TRAPPC10: variants seen among roughly 807,000 people sequenced by gnomAD.
TRAPPC10 encodes the protein TRAPP 130 kDa subunit.
TRAPPC10 carries 23 observed loss-of-function variants against 125.5 expected under a neutral mutation model. The observed-to-expected ratio is 0.18, with a 90% CI of 0.13 to 0.26. The LOEUF (loss-of-function observed/expected upper bound fraction) is 0.26. Ranked by LOEUF, TRAPPC10 falls within the 10% of genes least tolerant of loss-of-function variation. The pLI, the probability that TRAPPC10 is intolerant of heterozygous loss-of-function variation, is 1.00. For synonymous variants in TRAPPC10, 509 were observed against 518.0 expected, an observed-to-expected ratio of 0.98 and a Z score of 0.24; for missense variants, 1,123 against 1,308.4, an observed-to-expected ratio of 0.86 and a Z score of 2.19.
At chr21:44,075,707 A>G (rs1021103946) in intron 9 of TRAPPC10, among the ~76,000 whole-genome samples, 2 of 152,172 alleles carry the variant, frequency 1.3e-5, no homozygotes, top group Admixed American at 1.3e-4. Flanking sequence ...GCTGGTCTCA[A>G]ACTCCTGGCC....
intron 19 of TRAPPC10, 141 bp downstream of exon 19, chr21:44,092,190 G>C (rs973812608): frequency 1.9e-6 from 2 of 1,074,388 alleles, no homozygotes; most frequent in Admixed American, 5.5e-5. Context: ...CAGCTCCTCC[G>C]GCTGCCCTGA....
At chr21:44,066,595 A>G (rs564762266) in intron 7 of TRAPPC10, among the ~76,000 whole-genome samples, 2 of 152,230 alleles carry the variant, frequency 1.3e-5, no homozygotes, top group Non-Finnish European at 2.9e-5. Context: ...TTGGAAAATA[A>G]CAGACAAATA....
chr21:44,046,500 C>CT (rs1166944263), intron 3 of TRAPPC10: 7 of 215,928 alleles, frequency 3.2e-5, no homozygotes, highest in Non-Finnish European at 6.9e-5. Flanking sequence ...CACGCTTTAC[C>CT]TTTAAGTTTT....
At chr21:44,026,569 A>G (rs1157040657) in intron 1 of TRAPPC10, among the ~76,000 whole-genome samples, 1 of 152,250 alleles carries the variant, frequency 6.6e-6, no homozygotes, top group Non-Finnish European at 1.5e-5. Context: ...GTTTTCAAAC[A>G]TGAACTGCCT....
In TRAPPC10 at chr21:44,059,191, A is replaced by T; in HGVS notation, c.767A>T (p.Tyr256Phe). 6.2e-7 allele frequency: 1 copy of T among 1,610,354 alleles called. No homozygotes were observed. The highest frequency in any genetic ancestry group is 1.1e-5 in the South Asian group (1 of 90,326). Residue 256 changes from tyrosine to phenylalanine, a missense_variant, in exon 6 of 23, where the codon TAT (tyrosine) becomes TTT (phenylalanine). Physicochemically the swap from Tyr to Phe is conservative, Grantham distance 22. Transcript: ENST00000291574. The surrounding 1 kb of genome is among the most constrained non-coding windows in gnomAD (Gnocchi z 4.4). The part of the protein sequence containing the change: ...YDELDALFSQ[Y>F]VVNFGAGDGA... Reference sequence around the variant, plus strand: ...GAACTGGACGCCCTCTTCTCTCAGTATGTGGTCAACTTCGGGGCCGGGGGT... The same window carrying T: ...GAACTGGACGCCCTCTTCTCTCAGTTTGTGGTCAACTTCGGGGCCGGGGGT...
intron 4 of TRAPPC10, 111 bp downstream of exon 4, chr21:44,052,587 T>C: frequency 3.8e-6 from 4 of 1,051,172 alleles, no homozygotes; most frequent in Non-Finnish European, 5.4e-6. Flanking sequence ...TGAGTGTCCA[T>C]GGGGTGCTGT....
Position 44,080,053 on chromosome 21 carries a change from A to G in TRAPPC10, c.1649A>G (p.His550Arg), listed in dbSNP as rs749767421. ...QTSSLLASDH[H>R]LTEEERKHFC... Reference sequence around the variant, plus strand: ...AGCAGCCTCTTAGCCAGTGACCACCACCTCACTGAAGAGGAGCGCAAGCAC... The same window carrying G: ...AGCAGCCTCTTAGCCAGTGACCACCGCCTCACTGAAGAGGAGCGCAAGCAC... The change falls in exon 13 of 23, where the codon CAC becomes CGC. Residue 550 changes from histidine (H) to arginine (R), a missense_variant. This residue lies in a region of TRAPPC10 where 840 missense variants were observed against 902.0 expected (regional missense o/e 0.93). Coordinates refer to ENST00000291574, the MANE Select transcript of TRAPPC10 (RefSeq NM_003274.5). The G allele has an allele frequency of 9.3e-6, 15 of 1,613,932 alleles. No individual in the cohort carries two copies. Among genetic ancestry groups the G allele is most frequent in the Non-Finnish European group, 1.2e-5 (14 of 1,180,022 alleles).
chr21:44,016,940 C>T (rs1365464815), intron 1 of TRAPPC10, among the ~76,000 whole-genome samples: 3 of 152,212 alleles, frequency 2.0e-5, no homozygotes, highest in East Asian at 3.8e-4. Flanking sequence ...TAGGCATGAG[C>T]CACCGCGCCC....
chr21:44,038,057 T>C (rs942918935), intron 3 of TRAPPC10, 130 bp downstream of exon 3: 4 of 1,314,094 alleles, frequency 3.0e-6, no homozygotes, highest in East Asian at 2.3e-5. Flanking sequence ...GAGAGTGCTG[T>C]GTGAGTACCA....
chr21:44,085,325 T>C (rs889295594), intron 15 of TRAPPC10, among the ~76,000 whole-genome samples: 32 of 152,100 alleles, frequency 2.1e-4, no homozygotes, highest in African/African-American at 7.7e-4. Context: ...AGTGTCACAT[T>C]AGGCCAAGAA....
intron 18 of TRAPPC10, 186 bp from the exon 19 acceptor site, chr21:44,091,737 C>T (rs576107285): frequency 3.6e-6 from 2 of 556,454 alleles, no homozygotes; most frequent in South Asian, 4.1e-5. Context: ...CGTGCCCGGC[C>T]AAAAAGGTTT....
At position 44,019,880 on chromosome 21, in the gene TRAPPC10, T is replaced by C. The variant is rs79169828; in HGVS notation, c.67+7320T>C. 4.9e-3 allele frequency among the ~76,000 whole-genome samples: 749 copies of C among 152,340 alleles called. 4 individuals are homozygous for C. The highest frequency in any genetic ancestry group is 9.3e-3 in the Non-Finnish European group (630 of 68,026). On this transcript the variant is annotated intron_variant, in intron 1 of 22. Transcript: ENST00000291574. ...TGGAGGTTTGTCCTTCGTGTACTCC[T>C]GACCGAGGGAATGTTATCTTGACAT...
chr21:44,078,706 C>A (rs2037456966), intron 11 of TRAPPC10, among the ~76,000 whole-genome samples: 1 of 152,170 alleles, frequency 6.6e-6, no homozygotes, highest in South Asian at 2.1e-4. Context: ...GAAGGTGCTC[C>A]TTAAGGAAGC....
rs974802095 is a variant in TRAPPC10, at chr21:44,059,697, TAC to T, written c.790+487_790+488del. ...TTAAAGAATTAGCACAGTGAAACCA[TAC>T]ACAGAGAGAAACATTGGTTATTGTC... is the stretch of plus-strand genomic sequence containing the variant. On this transcript the variant is annotated intron_variant, in intron 6 of 22. Coordinates refer to ENST00000291574, the MANE Select transcript of TRAPPC10 (RefSeq NM_003274.5). This position sits in a 1 kb window ranked among gnomAD's most constrained non-coding sequence, Gnocchi z 4.4. 246 of 517,184 alleles carry T rather than the reference TAC, an allele frequency of 4.8e-4. 3 individuals are homozygous for T. In the Middle Eastern group the frequency reaches 7.9e-3, roughly 17 times the overall value. The allele number at this position is 517,184 out of a possible 1,614,324, so 32.0% of individuals were successfully genotyped here.
rs1298345137 is a variant in TRAPPC10, at chr21:44,059,543, G to A, written c.790+329G>A. On this transcript the variant is annotated intron_variant, in intron 6 of 22. Transcript: ENST00000291574. The surrounding 1 kb of genome is among the most constrained non-coding windows in gnomAD (Gnocchi z 4.4). ...GTCCCTCGTTAGAATCAGAGTGGAC[G>A]TCCCTTTGCCTTCCATCCAGGGGTT... 4.1e-6 allele frequency: 3 copies of A among 731,416 alleles called. No homozygotes were observed. Among genetic ancestry groups the A allele is most frequent in the Admixed American group, 1.9e-5 (1 of 51,762 alleles). 45.3% of individuals were successfully genotyped at this position (731,416 alleles called of 1,614,324 possible).
chr21:44,082,812 A>G lies in TRAPPC10; in HGVS notation c.1748A>G (p.His583Arg). 1 of 1,614,012 alleles carries G rather than the reference A, an allele frequency of 6.2e-7. No homozygotes were observed. Among genetic ancestry groups the G allele is most frequent in the Non-Finnish European group, 8.5e-7 (1 of 1,180,008 alleles). ...SPGHKIVLPM[H>R]SFAQLRDLHF... The stretch of plus-strand genomic sequence containing the variant: ...GGTCATAAGATAGTGCTACCCATGC[A>G]TTCCTTTGCACAACTGCGAGATCTC... Residue 583 changes from histidine (H) to arginine (R), a missense_variant, in exon 14 of 23, where the codon CAT becomes CGT. His to Arg is a conservative substitution (Grantham distance 29). Coordinates refer to ENST00000291574, the MANE Select transcript of TRAPPC10 (RefSeq NM_003274.5). This position sits in a 1 kb window ranked among gnomAD's most constrained non-coding sequence, Gnocchi z 4.4.
chr21:44,032,058 T>C (rs1283225593), intron 1 of TRAPPC10, 33 bp from the exon 2 acceptor site: 1 of 1,572,740 alleles, frequency 6.4e-7, no homozygotes, highest in Non-Finnish European at 8.7e-7. Flanking sequence ...CACCTAAAAA[T>C]ATGGTAACTG....
Position 44,012,353 on chromosome 21 carries a change from A to G in TRAPPC10, c.-141A>G, listed in dbSNP as rs890348153. On this transcript the variant is annotated 5_prime_UTR_variant, in exon 1 of 23. Transcript: ENST00000291574. ...GCTGAGGCCGGCAGCAGCGGGCGGCAGCTGCGGCGCAACCGGCTCCGGAGC... is the reference window on the plus strand; with the variant it reads ...GCTGAGGCCGGCAGCAGCGGGCGGCGGCTGCGGCGCAACCGGCTCCGGAGC... 11 of 263,934 alleles carry G rather than the reference A, an allele frequency of 4.2e-5. No individual in the cohort carries two copies. Among genetic ancestry groups the G allele is most frequent in the African/African-American group, 2.1e-4 (9 of 43,286 alleles). 16.3% of individuals were successfully genotyped at this position (263,934 alleles called of 1,614,324 possible).
chr21:44,091,257 G>A (rs1171141056), intron 18 of TRAPPC10, among the ~76,000 whole-genome samples: 2 of 152,074 alleles, frequency 1.3e-5, no homozygotes, highest in East Asian at 1.9e-4. Flanking sequence ...TATAAGCCCC[G>A]CCTATCATCT....
Sources: gnomAD v4.1 joint callset for allele counts (sites outside exome capture counted in the v4.1 genomes callset) on GRCh38, gnomAD v4.1.1 for gene constraint, gnomAD v4.1.1 regional missense constraint, Gnocchi (gnomAD v3.1) non-coding constraint, MANE v1.5 for transcripts, NCBI Gene and HGNC (gene_info 2026-07-23, HGNC 2026-07-21) for gene names.